Variants in BCAS1 observed in about 807,000 individuals in gnomAD.
The protein encoded by BCAS1 is brain enriched myelin associated protein 1.
Under a neutral mutation model 65.4 loss-of-function variants are expected in BCAS1, and 46 were observed. The ratio of observed to expected loss-of-function variants is 0.70; its 90% CI spans 0.55 to 0.90. BCAS1 has a LOEUF of 0.90. Among genes scored for constraint, BCAS1 ranks in the 40% least tolerant of loss-of-function variants. The probability of loss-of-function intolerance (pLI) is 0.00; values close to 1 mark genes in which losing one functional copy is unlikely to be tolerated. For missense variants in BCAS1, 793 were observed against 771.2 expected (o/e 1.03, Z -0.33); for synonymous variants, 298 against 293.5 (o/e 1.02, Z -0.16).
intron 3 of BCAS1, among the ~76,000 whole-genome samples, chr20:54,029,998 A>G (rs1190908858): frequency 6.6e-6 from 1 of 152,138 alleles, no homozygotes; most frequent in Non-Finnish European, 1.5e-5. Context: ...GGCAAATTAG[A>G]CCTCAGGCCA....
intron 10 of BCAS1, among the ~76,000 whole-genome samples, chr20:53,962,420 G>A (rs1214173803): frequency 6.6e-6 from 1 of 152,198 alleles, no homozygotes; most frequent in Non-Finnish European, 1.5e-5. Flanking sequence ...AGAAAGATAT[G>A]AGGAGGAGTA....
At chr20:53,960,228 C>A (rs2089832821) in intron 10 of BCAS1, among the ~76,000 whole-genome samples, 1 of 152,140 alleles carries the variant, frequency 6.6e-6, no homozygotes, top group Non-Finnish European at 1.5e-5. Context: ...TCACTTGCCC[C>A]CTAGGAGACA....
chr20:53,981,548 T>C (rs2090480093), intron 8 of BCAS1, among the ~76,000 whole-genome samples: 1 of 151,888 alleles, frequency 6.6e-6, no homozygotes, highest in African/African-American at 2.4e-5. Flanking sequence ...TCTTTTTTTT[T>C]TTTTTTTTAC....
chr20:53,973,411 T>A (rs1244847634), intron 9 of BCAS1, among the ~76,000 whole-genome samples: 1 of 152,246 alleles, frequency 6.6e-6, no homozygotes, highest in Non-Finnish European at 1.5e-5. Flanking sequence ...TATCGTTTGG[T>A]GTCGATAATT....
intron 1 of BCAS1, among the ~76,000 whole-genome samples, chr20:54,066,855 G>A (rs1165342361): frequency 2.0e-5 from 3 of 152,186 alleles, no homozygotes; most frequent in Non-Finnish European, 4.4e-5. Flanking sequence ...TCTAGTAAGT[G>A]GGAGAATGAG....
At chr20:54,062,585 T>C (rs1179121523) in intron 1 of BCAS1, among the ~76,000 whole-genome samples, 1 of 152,228 alleles carries the variant, frequency 6.6e-6, no homozygotes, top group Non-Finnish European at 1.5e-5. Context: ...TTAATGTAAA[T>C]TCAATCCTAA....
chr20:54,052,086 C>T (rs1411704244), intron 3 of BCAS1, among the ~76,000 whole-genome samples: 2 of 152,104 alleles, frequency 1.3e-5, no homozygotes, highest in Non-Finnish European at 2.9e-5. Context: ...ACAGCATTTA[C>T]AAAAATCAGA....
intron 3 of BCAS1, among the ~76,000 whole-genome samples, chr20:54,040,609 T>C (rs1210176114): frequency 6.6e-6 from 1 of 151,242 alleles, no homozygotes; most frequent in Non-Finnish European, 1.5e-5. Context: ...TAATGTCATC[T>C]CATTAGGGAA....
At chr20:54,042,961 C>A (rs914939925) in intron 3 of BCAS1, among the ~76,000 whole-genome samples, 18 of 152,204 alleles carry the variant, frequency 1.2e-4, no homozygotes, top group Non-Finnish European at 2.4e-4. Context: ...GCCTTAGGGA[C>A]ATCTCCATGT....
At chr20:54,067,249 G>A (rs1377918828) in intron 1 of BCAS1, among the ~76,000 whole-genome samples, 6 of 152,202 alleles carry the variant, frequency 3.9e-5, no homozygotes, top group Admixed American at 3.9e-4. Flanking sequence ...GAGGCACAAT[G>A]CCTGTAATCC....
In BCAS1 at chr20:53,953,501, C is replaced by G. The variant is rs6127031; in HGVS notation, c.1746G>C (p.Gln582His). ...GTCTCTTTTGGAGCTTGTCCCCATT[C>G]TGCAGTGAGTTCGTGTCCACCGTGG... ...EQATVDTNSL[Q>H]NGDKLQKRPE... Residue 582 changes from glutamine to histidine, a missense_variant, in exon 12 of 13, where the codon CAG becomes CAC. By Grantham distance (24) the Gln-to-His change is conservative (BLOSUM62 0). Transcript: ENST00000688948. The G allele has an allele frequency of 6.1e-5, 98 of 1,614,064 alleles. No homozygotes were observed. The East Asian group carries it at 8.5e-4, about 14-fold the overall frequency.
chr20:53,961,171 A>G (rs998797722), intron 10 of BCAS1, among the ~76,000 whole-genome samples: 1 of 152,250 alleles, frequency 6.6e-6, no homozygotes, highest in African/African-American at 2.4e-5. Flanking sequence ...TCCAATGTAT[A>G]TCACTTAGCT....
At chr20:54,066,286 A>C (rs867913645) in intron 1 of BCAS1, among the ~76,000 whole-genome samples, 1 of 152,068 alleles carries the variant, frequency 6.6e-6, no homozygotes, top group African/African-American at 2.4e-5. Context: ...GTTAGCCAGG[A>C]TGGTCTCGAT....
At chr20:54,046,240 G>T (rs567833812) in intron 3 of BCAS1, among the ~76,000 whole-genome samples, 2 of 152,234 alleles carry the variant, frequency 1.3e-5, no homozygotes, top group East Asian at 3.9e-4. Flanking sequence ...CATGCATTAA[G>T]AATTCAGGGC....
At chr20:53,950,105 TC>T (rs2089465614) in intron 12 of BCAS1, among the ~76,000 whole-genome samples, 1 of 151,754 alleles carries the variant, frequency 6.6e-6, no homozygotes, top group Non-Finnish European at 1.5e-5. Flanking sequence ...GTGAGTAGCT[TC>T]CCTGCTCAGA....
chr20:54,017,987 C>T (rs116913821), intron 4 of BCAS1, among the ~76,000 whole-genome samples: 1 of 152,306 alleles, frequency 6.6e-6, no homozygotes, highest in East Asian at 1.9e-4. Flanking sequence ...AGAACACATT[C>T]GTCATCTATT....
chr20:54,040,252 A>G (rs1456598473), intron 3 of BCAS1, among the ~76,000 whole-genome samples: 2 of 151,338 alleles, frequency 1.3e-5, no homozygotes, highest in East Asian at 3.9e-4. Context: ...CTGCCATATT[A>G]TTTTCTTAAA....
chr20:53,973,034 C>T (rs186763604), intron 9 of BCAS1, among the ~76,000 whole-genome samples: 20 of 152,268 alleles, frequency 1.3e-4, no homozygotes, highest in Non-Finnish European at 2.6e-4. Flanking sequence ...TTGAGACCAG[C>T]CTGGCCAAGA....
rs146806249 is a variant in BCAS1 at position 54,028,970 on chromosome 20, C to G, written c.145G>C (p.Asp49His). ...THTVQHLEEV[D>H]LGISVKTDNV... Reference sequence around the variant, plus strand: ...TCCGTCTTGACACTTATTCCCAAGTCGACTGTAAACACAAACATAAACAGT... The same window carrying G: ...TCCGTCTTGACACTTATTCCCAAGTGGACTGTAAACACAAACATAAACAGT... The change falls in exon 4 of 13, where the codon GAC becomes CAC. Residue 49 changes from aspartate (D) to histidine (H), a missense_variant and splice_region_variant. By Grantham distance (81) the Asp-to-His change is moderately conservative (BLOSUM62 -1). Coordinates refer to ENST00000688948, the MANE Select transcript of BCAS1 (RefSeq NM_001366298.2). 4.4e-6 allele frequency: 7 copies of G among 1,603,176 alleles called. No homozygotes were observed. Among genetic ancestry groups the G allele is most frequent in the Middle Eastern group, 1.7e-4 (1 of 5,972 alleles).
Sources: allele counts gnomAD v4.1 joint callset (sites outside exome capture counted in the v4.1 genomes callset), GRCh38; gene constraint gnomAD v4.1.1; transcripts MANE v1.5; gene names NCBI Gene and HGNC (gene_info 2026-07-23, HGNC 2026-07-21).